Variants in DEAF1 observed in about 807,000 individuals in gnomAD.
The protein encoded by DEAF1 is deformed epidermal autoregulatory factor 1 homolog.
In DEAF1, 53 loss-of-function variants were observed where a neutral mutation model predicts 58.9. That is an observed-to-expected ratio of 0.90 (90% confidence interval 0.72 to 1.13). The LOEUF is 1.13. Among genes scored for constraint, DEAF1 ranks in the 50% most tolerant of loss-of-function variants. The pLI is 0.00. For missense variants in DEAF1, 685 were observed against 791.4 expected (o/e 0.87, Z 1.61); for synonymous variants, 385 against 340.4 (o/e 1.13, Z -1.44).
At chr11:704,445 C>G in intron 1 of DEAF1, 1 of 1,289,090 alleles carries the variant, frequency 7.8e-7, no homozygotes, top group Non-Finnish European at 1.0e-6. Flanking sequence ...CCCCCAGTGG[C>G]CACGGTGAGC....
intron 11 of DEAF1, among the ~76,000 whole-genome samples, chr11:651,993 A>T (rs947570971): frequency 1.1e-4 from 16 of 152,230 alleles, no homozygotes; most frequent in Admixed American, 1.0e-3. Flanking sequence ...AGAATATGAA[A>T]GAGTTGAACA....
intron 5 of DEAF1, among the ~76,000 whole-genome samples, chr11:686,637 A>G (rs1323630527): frequency 1.3e-5 from 2 of 152,296 alleles, no homozygotes; most frequent in East Asian, 3.9e-4. Context: ...TTCTCCCAAC[A>G]ATCCTCACAG....
chr11:705,347 C>T (rs562703122), intron 1 of DEAF1: 10 of 157,416 alleles, frequency 6.4e-5, no homozygotes, highest in Admixed American at 4.9e-4. Flanking sequence ...GCTGTGTCCA[C>T]TGCACCCTGG....
intron 10 of DEAF1, among the ~76,000 whole-genome samples, chr11:668,624 A>G (rs1859662998): frequency 6.6e-6 from 1 of 152,094 alleles, no homozygotes; most frequent in Non-Finnish European, 1.5e-5. Context: ...GGAGTTTGAG[A>G]TCAGCCTGGC....
At chr11:654,216 T>C (rs1468610635) in intron 10 of DEAF1, among the ~76,000 whole-genome samples, 165 bp from the exon 11 acceptor site, 1 of 141,240 alleles carries the variant, frequency 7.1e-6, no homozygotes, top group Non-Finnish European at 1.5e-5. Flanking sequence ...TCGCCCAGGC[T>C]GGAGTGCCGT....
At chr11:674,180 T>G in intron 10 of DEAF1, 1 of 343,764 alleles carries the variant, frequency 2.9e-6, no homozygotes, top group Non-Finnish European at 5.7e-6. Flanking sequence ...AGAGACTCAA[T>G]AGATGATGTT....
rs149106198 is a variant in DEAF1, at chr11:672,715, G to A, written c.1503+1821C>T. Among the ~76,000 whole-genome samples the A allele has an allele frequency of 6.1e-3, 923 of 152,072 alleles. 5 individuals are homozygous for A. The highest frequency in any genetic ancestry group is 0.041 in the South Asian group (196 of 4,812). ...TACAAAAAATCAGCCAGGTGTGGTAGCACATGCCTGTAATCCCAGCTATTC... is the reference window on the plus strand; with the variant it reads ...TACAAAAAATCAGCCAGGTGTGGTAACACATGCCTGTAATCCCAGCTATTC... On this transcript the variant is annotated intron_variant, in intron 10 of 11. Coordinates refer to ENST00000382409, the MANE Select transcript of DEAF1 (RefSeq NM_021008.4).
chr11:703,882 C>G (rs954099373), intron 1 of DEAF1: 1 of 1,239,020 alleles, frequency 8.1e-7, no homozygotes, highest in Non-Finnish European at 1.0e-6. Flanking sequence ...TCGGAGCCTC[C>G]GTCCACTCCA....
upstream of DEAF1, chr11:698,851 G>A (rs202209526): frequency 1.5e-3 from 2,492 of 1,614,088 alleles, 3 homozygotes; most frequent in Non-Finnish European, 2.0e-3. Context: ...CCTTGCTCAC[G>A]GCCCCTTTCT....
At chr11:652,961 G>GTAATC (rs1858848186) in intron 11 of DEAF1, among the ~76,000 whole-genome samples, 1 of 150,908 alleles carries the variant, frequency 6.6e-6, no homozygotes. Context: ...GCGCATGCCT[G>GTAATC]TAATCCCAGC....
Position 688,187 on chromosome 11 carries a change from T to G in DEAF1, c.518-130A>C. ...CGGAAAAACTTCTTGGTCAGGAAAATTCCAATGCTTTTACTTAAAATCTAT... is the reference window on the plus strand; with the variant it reads ...CGGAAAAACTTCTTGGTCAGGAAAAGTCCAATGCTTTTACTTAAAATCTAT... On this transcript the variant is annotated intron_variant, in intron 3 of 11. Coordinates refer to ENST00000382409, the MANE Select transcript of DEAF1 (RefSeq NM_021008.4). This position sits in a 1 kb window ranked among gnomAD's most constrained non-coding sequence, Gnocchi z 4.3. 6.6e-7 allele frequency: 1 copy of G among 1,525,738 alleles called. No homozygotes were observed. Among genetic ancestry groups the G allele is most frequent in the East Asian group, 2.3e-5 (1 of 42,608 alleles). The allele number at this position is 1,525,738 out of a possible 1,614,324, so 94.5% of individuals were successfully genotyped here. A position where few individuals can be genotyped will look rare whatever the true frequency, so the allele number is the denominator to read the frequency against.
chr11:657,620 A>G (rs980194698), intron 10 of DEAF1, among the ~76,000 whole-genome samples: 1 of 152,190 alleles, frequency 6.6e-6, no homozygotes, highest in Non-Finnish European at 1.5e-5. Context: ...CCAAGGAGAC[A>G]CCTACAGACA....
chr11:705,068 C>T (rs534187991), intron 1 of DEAF1: 60 of 215,614 alleles, frequency 2.8e-4, no homozygotes, highest in South Asian at 9.1e-4. Flanking sequence ...AGGCACTGGG[C>T]CCGAAGGAGG....
At chr11:671,708 CAAAAAAT>C (rs1333463001) in intron 10 of DEAF1, among the ~76,000 whole-genome samples, 8 of 146,766 alleles carry the variant, frequency 5.5e-5, no homozygotes, top group South Asian at 2.2e-4. Context: ...CCAGTCTCTA[CAAAAAAT>C]AAAAAATAAA....
At chr11:691,404 T>C (rs886656728) in intron 2 of DEAF1, 97 bp downstream of exon 2, 5 of 1,140,836 alleles carry the variant, frequency 4.4e-6, no homozygotes, top group Non-Finnish European at 6.4e-6. Context: ...GAGCAGACGT[T>C]CACACAGCGG....
At chr11:654,588 G>A (rs1313466683) in intron 10 of DEAF1, 2 of 455,344 alleles carry the variant, frequency 4.4e-6, no homozygotes, top group East Asian at 7.0e-5. Flanking sequence ...TGGAAGACCA[G>A]TATGGGCCGG....
chr11:661,491 C>G (rs1859317876), intron 10 of DEAF1, among the ~76,000 whole-genome samples: 1 of 151,974 alleles, frequency 6.6e-6, no homozygotes, highest in Admixed American at 6.6e-5. Flanking sequence ...AGGTGGATCA[C>G]CGGAGGTCAG....
chr11:704,579 C>T, intron 1 of DEAF1: 1 of 1,286,040 alleles, frequency 7.8e-7, no homozygotes, highest in Non-Finnish European at 1.0e-6. Flanking sequence ...AGGACCCAGC[C>T]CACAAACCAT....
chr11:679,873 G>A (rs750300005), intron 7 of DEAF1, 57 bp from the exon 8 acceptor site: 76 of 1,605,992 alleles, frequency 4.7e-5, no homozygotes, highest in Non-Finnish European at 6.4e-5. Context: ...CGGCACACAG[G>A]TCCCGTGCCA....
Sources: gnomAD v4.1 joint callset for allele counts (sites outside exome capture counted in the v4.1 genomes callset) on GRCh38, gnomAD v4.1.1 for gene constraint, Gnocchi (gnomAD v3.1) non-coding constraint, MANE v1.5 for transcripts, NCBI Gene and HGNC (gene_info 2026-07-23, HGNC 2026-07-21) for gene names.